ABCC4: variants seen among roughly 807,000 people sequenced by gnomAD.
ABCC4 encodes the protein ATP-binding cassette sub-family C member 4.
Under a neutral mutation model 168.5 loss-of-function variants are expected in ABCC4, and 102 were observed. The observed-to-expected ratio is 0.61, with a 90% CI of 0.52 to 0.71. The LOEUF is 0.71. Ranked by LOEUF, ABCC4 falls within the 30% of genes least tolerant of loss-of-function variation. ABCC4 has a pLI of 0.00. For synonymous variants in ABCC4, 617 were observed against 590.7 expected, an observed-to-expected ratio of 1.04 and a Z score of -0.65; for missense variants, 1,402 against 1,605.8, an observed-to-expected ratio of 0.87 and a Z score of 2.17.
chr13:95,247,027 A>G lies in ABCC4; in HGVS notation c.254T>C (p.Ile85Thr), dbSNP rs1169391019. ...TAAATAAGATTTCCAGTAACACTTT[A>G]TGATTGCTCTTGTTAAAGAAGGCTT... ...AQKPSLTRAI[I>T]KCYWKSYLVL... Residue 85 changes from isoleucine to threonine, a missense_variant, in exon 3 of 31, where the codon ATA becomes ACA. Transcript: ENST00000645237. 8.1e-6 allele frequency: 13 copies of G among 1,612,348 alleles called. No individual in the cohort carries two copies. The highest frequency in any genetic ancestry group is 1.1e-5 in the Non-Finnish European group (13 of 1,178,482).
chr13:95,135,323 T>C (rs2036111318), intron 19 of ABCC4, among the ~76,000 whole-genome samples: 1 of 152,156 alleles, frequency 6.6e-6, no homozygotes, highest in Non-Finnish European at 1.5e-5. Flanking sequence ...AATTGTAATT[T>C]TGCAAACTCA....
intron 20 of ABCC4, among the ~76,000 whole-genome samples, chr13:95,084,799 A>C (rs143420829): frequency 1.3e-3 from 192 of 152,364 alleles, no homozygotes; most frequent in African/African-American, 3.6e-3. Flanking sequence ...TCACTTACCC[A>C]TCACCTCACC....
chr13:95,182,456 C>T (rs1461709048), intron 11 of ABCC4, among the ~76,000 whole-genome samples: 2 of 152,036 alleles, frequency 1.3e-5, no homozygotes, highest in African/African-American at 4.8e-5. Flanking sequence ...TTATTATTCT[C>T]TTATTTACTG....
rs145361918 is a variant in ABCC4 at position 95,022,148 on chromosome 13, T to C, written c.3871-466A>G. ...CTCTGATTGACAAGCATTGAAATGCTGGCATATACGTATGAAACATCCCGG... is the reference window on the plus strand; with the variant it reads ...CTCTGATTGACAAGCATTGAAATGCCGGCATATACGTATGAAACATCCCGG... On this transcript the variant is annotated intron_variant, in intron 30 of 30. Coordinates refer to ENST00000645237, the MANE Select transcript of ABCC4 (RefSeq NM_005845.5). Among the ~76,000 whole-genome samples the C allele has an allele frequency of 8.9e-4, 135 of 152,366 alleles. 1 individual carries two copies. The highest frequency in any genetic ancestry group is 3.1e-3 in the African/African-American group (127 of 41,586).
chr13:95,183,324 A>C (rs4148490), intron 11 of ABCC4, among the ~76,000 whole-genome samples: 1 of 152,060 alleles, frequency 6.6e-6, no homozygotes, highest in Non-Finnish European at 1.5e-5. Flanking sequence ...ATTTCTGTCC[A>C]GCAGGTTTTG....
Position 95,209,424 on chromosome 13 carries a change from T to C in ABCC4, c.785+10A>G, listed in dbSNP as rs751463552. The C allele has an allele frequency of 1.2e-6, 2 of 1,613,054 alleles. No homozygotes were observed. Among genetic ancestry groups the C allele is most frequent in the South Asian group, 2.2e-5 (2 of 90,892 alleles). ...ACATATGACATTTTTCACAGCAGTATTTCTCTTACCTCAGTGATGAGAACA... is the reference window on the plus strand; with the variant it reads ...ACATATGACATTTTTCACAGCAGTACTTCTCTTACCTCAGTGATGAGAACA... On this transcript the variant is annotated intron_variant, in intron 6 of 30. Transcript: ENST00000645237.
Position 95,125,313 on chromosome 13 carries a change from A to G in ABCC4, c.2456-9312T>C, listed in dbSNP as rs12429586. ...AAATTTCCAGGCAGGGCTGACACAA[A>G]TGACGATGGCCAAAGCAGCCGCTGA... On this transcript the variant is annotated intron_variant, in intron 19 of 30. Coordinates refer to ENST00000645237, the MANE Select transcript of ABCC4 (RefSeq NM_005845.5). Among the ~76,000 whole-genome samples the G allele has an allele frequency of 9.9e-3, 1,510 of 152,296 alleles. 76 individuals carry two copies. Among genetic ancestry groups the G allele is most frequent in the Admixed American group, 0.073 (1,121 of 15,296 alleles).
chr13:95,032,538 G>A (rs533706916), intron 30 of ABCC4, among the ~76,000 whole-genome samples: 2 of 152,330 alleles, frequency 1.3e-5, no homozygotes, highest in South Asian at 2.1e-4. Flanking sequence ...TACAGACAGT[G>A]GCAAGGATAG....
At chr13:95,210,868 T>C in intron 4 of ABCC4, 87 bp from the exon 5 acceptor site, 1 of 975,346 alleles carries the variant, frequency 1.0e-6, no homozygotes, top group Non-Finnish European at 1.6e-6. Flanking sequence ...GGAAGTCTCG[T>C]GTGATGTCAA....
At chr13:95,201,498 A>G (rs952845577) in intron 8 of ABCC4, among the ~76,000 whole-genome samples, 1 of 152,308 alleles carries the variant, frequency 6.6e-6, no homozygotes, top group South Asian at 2.1e-4. Context: ...CTTCACTTAC[A>G]CATCTTCTGA....
At chr13:95,037,151 G>C (rs899233334) in intron 29 of ABCC4, among the ~76,000 whole-genome samples, 4 of 150,738 alleles carry the variant, frequency 2.7e-5, no homozygotes, top group Non-Finnish European at 4.4e-5. Flanking sequence ...ATAATGAACT[G>C]GATTATTATA....
chr13:95,243,750 T>C (rs1012494074), intron 3 of ABCC4, among the ~76,000 whole-genome samples: 1 of 151,982 alleles, frequency 6.6e-6, no homozygotes, highest in Admixed American at 6.6e-5. Context: ...AAGCCAGGCA[T>C]GGTGCATGCC....
At chr13:95,031,414 C>T (rs1298249756) in intron 30 of ABCC4, among the ~76,000 whole-genome samples, 2 of 152,154 alleles carry the variant, frequency 1.3e-5, no homozygotes, top group African/African-American at 4.8e-5. Context: ...GGGAAGACAT[C>T]GGCCTCCCCC....
chr13:95,234,785 T>C lies in ABCC4; in HGVS notation c.356A>G (p.Tyr119Cys), dbSNP rs1438216408. Residue 119 changes from tyrosine (Y) to cysteine (C), a missense_variant, in exon 4 of 31, where the codon TAT (tyrosine) becomes TGT (cysteine). Tyr to Cys is a radical substitution (Grantham distance 194). Coordinates refer to ENST00000645237, the MANE Select transcript of ABCC4 (RefSeq NM_005845.5). The part of the protein sequence containing the change: ...QPIFLGKIIN[Y>C]FENYDPMDSV... ...ATCCATGGGATCATAATTTTCAAAA[T>C]AATTAATAATTTTTCCCAAAAATAT... 1.3e-6 allele frequency: 2 copies of C among 1,599,720 alleles called. No homozygotes were observed. The highest frequency in any genetic ancestry group is 2.7e-5 in the African/African-American group (2 of 74,368).
At chr13:95,064,187 T>C (rs1373778598) in intron 25 of ABCC4, among the ~76,000 whole-genome samples, 3 of 150,704 alleles carry the variant, frequency 2.0e-5, no homozygotes, top group Admixed American at 6.6e-5. Context: ...TTCTACCTTA[T>C]GGTAAATCCT....
chr13:95,197,913 C>A (rs1178902868), intron 8 of ABCC4, among the ~76,000 whole-genome samples: 1 of 152,138 alleles, frequency 6.6e-6, no homozygotes, highest in East Asian at 1.9e-4. Context: ...ATAAAACCTT[C>A]ATTTTCTGTA....
At chr13:95,069,446 T>C (rs1221605480) in intron 25 of ABCC4, among the ~76,000 whole-genome samples, 2 of 152,208 alleles carry the variant, frequency 1.3e-5, no homozygotes, top group African/African-American at 4.8e-5. Flanking sequence ...TATGTACTTT[T>C]CAAATTGTGG....
At chr13:95,089,490 C>T (rs1255992528) in intron 20 of ABCC4, among the ~76,000 whole-genome samples, 8 of 152,074 alleles carry the variant, frequency 5.3e-5, no homozygotes, top group African/African-American at 1.7e-4. Context: ...TGGTCACGGG[C>T]ACCTGTAATC....
At chr13:95,267,929 G>C (rs887723473) in intron 1 of ABCC4, among the ~76,000 whole-genome samples, 1 of 152,100 alleles carries the variant, frequency 6.6e-6, no homozygotes, top group Non-Finnish European at 1.5e-5. Flanking sequence ...CAATCGTGCC[G>C]ATGTAATGAA....
Sources: allele counts gnomAD v4.1 joint callset (sites outside exome capture counted in the v4.1 genomes callset), GRCh38; gene constraint gnomAD v4.1.1; transcripts MANE v1.5; gene names NCBI Gene and HGNC (gene_info 2026-07-23, HGNC 2026-07-21).